Variants in LARP4B observed in about 807,000 individuals in gnomAD.
LARP4B encodes la-related protein 4B.
A neutral mutation model predicts 89.8 loss-of-function variants in LARP4B; 12 were observed. The observed-to-expected ratio is 0.13, with a 90% CI of 0.09 to 0.22. The LOEUF is 0.22. Ranked by LOEUF, LARP4B falls within the 10% of genes least tolerant of loss-of-function variation. The pLI is 1.00. For missense variants in LARP4B, 757 were observed against 947.7 expected, an observed-to-expected ratio of 0.80 and a Z score of 2.64; for synonymous variants, 367 against 363.3, an observed-to-expected ratio of 1.01 and a Z score of -0.12.
intron 5 of LARP4B, among the ~76,000 whole-genome samples, chr10:861,401 G>A (rs1256405833): frequency 6.6e-6 from 1 of 152,162 alleles, no homozygotes; most frequent in Non-Finnish European, 1.5e-5. Context: ...GATGTTTATT[G>A]TACATCGGTT....
intron 5 of LARP4B, 95 bp downstream of exon 5, chr10:863,648 G>C: frequency 2.3e-6 from 3 of 1,302,534 alleles, no homozygotes; most frequent in Non-Finnish European, 1.0e-6. Flanking sequence ...GGCAAAGAAA[G>C]ACCCATTGTG....
At chr10:884,045 A>T (rs1835778361) in intron 3 of LARP4B, among the ~76,000 whole-genome samples, 1 of 152,246 alleles carries the variant, frequency 6.6e-6, no homozygotes. Context: ...CATTAATCAC[A>T]GCTAAAATGT....
At chr10:888,655 C>T (rs1251034936) in intron 1 of LARP4B, among the ~76,000 whole-genome samples, 4 of 152,134 alleles carry the variant, frequency 2.6e-5, no homozygotes, top group African/African-American at 9.7e-5. Context: ...GAGCCACACA[C>T]ATTTTTAAAA....
At chr10:831,733 C>A (rs1210118418) in intron 8 of LARP4B, among the ~76,000 whole-genome samples, 2 of 152,250 alleles carry the variant, frequency 1.3e-5, no homozygotes, top group African/African-American at 2.4e-5. Flanking sequence ...AAAGGCTGCT[C>A]TGATTCCACC....
chr10:884,408 T>G (rs1835789365), intron 3 of LARP4B, 39 bp downstream of exon 3: 1 of 1,326,072 alleles, frequency 7.5e-7, no homozygotes, highest in Non-Finnish European at 1.1e-6. Flanking sequence ...GCCTTGACTG[T>G]GATTAAAAAA....
At position 833,249 on chromosome 10, in the gene LARP4B, T is replaced by TAAAAAAA. The variant is rs56788542; in HGVS notation, c.751-2279_751-2273dup. ...AACACTAACGATAGCTGATGAGCTT[T>TAAAAAAA]AAAAAAAAAAAAAAAAAAAAAAAAA... On this transcript the variant is annotated intron_variant, in intron 8 of 17. Transcript: ENST00000316157. Among the ~76,000 whole-genome samples the TAAAAAAA allele has an allele frequency of 2.5e-3, 129 of 52,026 alleles. 2 individuals carry two copies. The highest frequency in any genetic ancestry group is 3.7e-3 in the East Asian group (3 of 814). The allele number at this position is 52,026 out of a possible 152,430, so 34.1% of individuals were successfully genotyped here.
chr10:835,964 C>G (rs886162117), intron 8 of LARP4B, among the ~76,000 whole-genome samples: 4 of 151,956 alleles, frequency 2.6e-5, no homozygotes, highest in Non-Finnish European at 5.9e-5. Context: ...CCCCAAGTTA[C>G]CAGTTCTCTA....
At chr10:908,865 G>T (rs1045925315) in intron 1 of LARP4B, among the ~76,000 whole-genome samples, 1 of 152,164 alleles carries the variant, frequency 6.6e-6, no homozygotes, top group African/African-American at 2.4e-5. Context: ...CAGCACGGGG[G>T]GGGCCTCCCT....
At chr10:945,502 T>C in the LARP4B span, among the ~76,000 whole-genome samples, 32,185 of 150,796 alleles carry the variant, frequency 0.21, 3,791 homozygotes, top group East Asian at 0.43. Context: ...CTGGCTAATA[T>C]GGTGAAACCC....
rs531900189 is a variant in LARP4B at position 822,900 on chromosome 10, G to A, written c.1485-2055C>T. 2.0e-5 allele frequency among the ~76,000 whole-genome samples: 3 copies of A among 152,292 alleles called. No homozygotes were observed. The highest frequency in any genetic ancestry group is 4.4e-5 in the Non-Finnish European group (3 of 68,022). ...CATGCAAGGGTAGGGACATGTGTCT[G>A]GACTCTGGTAAGGGGTTCTCCAGGA... On this transcript the variant is annotated intron_variant, in intron 13 of 17. Coordinates refer to ENST00000316157, the MANE Select transcript of LARP4B (RefSeq NM_015155.3). The surrounding 1 kb of genome is among the most constrained non-coding windows in gnomAD (Gnocchi z 4.6).
At chr10:850,495 T>C (rs1317378972) in intron 5 of LARP4B, among the ~76,000 whole-genome samples, 2 of 152,116 alleles carry the variant, frequency 1.3e-5, no homozygotes, top group Non-Finnish European at 2.9e-5. Context: ...CAAAAACTGA[T>C]AAAACTAAAA....
chr10:835,175 A>G (rs11818694), intron 8 of LARP4B, among the ~76,000 whole-genome samples: 1,783 of 152,340 alleles, frequency 0.012, 33 homozygotes, highest in African/African-American at 0.04. Context: ...AAGACAGGCT[A>G]AGTGGAACAG....
intron 1 of LARP4B, among the ~76,000 whole-genome samples, chr10:931,057 C>A (rs1277971001): frequency 1.3e-5 from 2 of 150,648 alleles, no homozygotes; most frequent in Non-Finnish European, 3.0e-5. Flanking sequence ...GTCTTCCGGG[C>A]ACCCAGCTCC....
rs1830611478 is a variant in LARP4B, at chr10:931,528, G to C, written c.-140C>G. 6.7e-6 allele frequency: 1 copy of C among 150,260 alleles called. No individual in the cohort carries two copies. Among genetic ancestry groups the C allele is most frequent in the Non-Finnish European group, 1.5e-5 (1 of 67,078 alleles). The allele number at this position is 150,260 out of a possible 1,614,324, so 9.3% of individuals were successfully genotyped here. A position where few individuals can be genotyped will look rare whatever the true frequency, so the allele number is the denominator to read the frequency against. On this transcript the variant is annotated 5_prime_UTR_variant, in exon 1 of 18. Transcript: ENST00000316157. Reference sequence around the variant, plus strand: ...CACACGCGGGGACGGCGAGGAGAGAGACGGCAGGGAGAGGCGGCGCGGCCG... The same window carrying C: ...CACACGCGGGGACGGCGAGGAGAGACACGGCAGGGAGAGGCGGCGCGGCCG...
the LARP4B span, among the ~76,000 whole-genome samples, chr10:978,485 A>T: frequency 6.6e-6 from 1 of 151,826 alleles, no homozygotes; most frequent in Non-Finnish European, 1.5e-5. Context: ...TCTTGCCTTC[A>T]TTTCAATTAG....
chr10:820,033 C>T (rs1191523716), intron 14 of LARP4B: 1 of 152,200 alleles, frequency 6.6e-6, no homozygotes, highest in Non-Finnish European at 1.5e-5. Context: ...TGCCATCCCT[C>T]CCATCTTCGT....
At chr10:853,043 T>C (rs1453715955) in intron 5 of LARP4B, among the ~76,000 whole-genome samples, 5 of 152,196 alleles carry the variant, frequency 3.3e-5, no homozygotes, top group Admixed American at 6.5e-5. Flanking sequence ...ATAGATTCAG[T>C]GAACCCCCCA....
At chr10:965,435 C>A in the LARP4B span, among the ~76,000 whole-genome samples, 9 of 152,108 alleles carry the variant, frequency 5.9e-5, no homozygotes, top group African/African-American at 2.2e-4. Context: ...GGTGCCCGCT[C>A]CCCCCCGTTT....
chr10:865,064 A>C (rs1328897301), intron 3 of LARP4B, among the ~76,000 whole-genome samples: 3 of 152,262 alleles, frequency 2.0e-5, no homozygotes, highest in African/African-American at 7.2e-5. Context: ...GGGATACTAC[A>C]GGATAAGAAA....
Sources: allele counts gnomAD v4.1 joint callset (sites outside exome capture counted in the v4.1 genomes callset), GRCh38; gene constraint gnomAD v4.1.1; non-coding constraint Gnocchi (gnomAD v3.1); transcripts MANE v1.5; gene names NCBI Gene and HGNC (gene_info 2026-07-23, HGNC 2026-07-21).